LYN: variants seen among roughly 807,000 people sequenced by gnomAD.
LYN encodes the protein tyrosine-protein kinase Lyn.
In LYN, 12 loss-of-function variants were observed where a neutral mutation model predicts 65.0. The observed-to-expected ratio is 0.18, with a 90% CI of 0.12 to 0.30. LYN has a LOEUF of 0.30. Ranked by LOEUF, LYN falls within the 10% of genes least tolerant of loss-of-function variation. The pLI is 1.00. For synonymous variants in LYN, 222 were observed against 221.2 expected (o/e 1.00, Z -0.03); for missense variants, 380 against 623.2 (o/e 0.61, Z 4.16).
chr8:55,946,537 A>G (rs752213018), intron 3 of LYN, 44 bp downstream of exon 3: 1 of 1,192,620 alleles, frequency 8.4e-7, no homozygotes. Context: ...TTTCTTTACT[A>G]TTAGAGCTTC....
intron 11 of LYN, 116 bp from the exon 12 acceptor site, chr8:55,999,302 A>G (rs2175487): frequency 0.85 from 717,841 of 840,182 alleles, 307,490 homozygotes; most frequent in East Asian, 0.94. Context: ...CCTGGGTGAC[A>G]AGAGTGAAAC....
chr8:56,009,374 A>ATTT (rs965911167), intron 12 of LYN, among the ~76,000 whole-genome samples: 1 of 152,196 alleles, frequency 6.6e-6, no homozygotes, highest in Non-Finnish European at 1.5e-5. Flanking sequence ...GCTTGCAGAA[A>ATTT]TTTCCTTAGC....
intron 1 of LYN, among the ~76,000 whole-genome samples, chr8:55,922,990 G>A (rs979276007): frequency 1.3e-5 from 2 of 152,058 alleles, no homozygotes; most frequent in Non-Finnish European, 2.9e-5. Context: ...ATGCCTTTCC[G>A]AGCCTAGAAT....
Position 56,010,654 on chromosome 8 carries a change from T to A in LYN, c.*544T>A, listed in dbSNP as rs572021234. 55 of 232,618 alleles carry A rather than the reference T, an allele frequency of 2.4e-4. No individual in the cohort carries two copies. Among genetic ancestry groups the A allele is most frequent in the African/African-American group, 1.1e-3 (50 of 45,108 alleles). The allele number at this position is 232,618 out of a possible 1,614,324, so 14.4% of individuals were successfully genotyped here. ...TAAAAATGTCTTTCCCAGATTTCAA[T>A]GATTTTTTTCCCCCTACCTCCCAAA... On this transcript the variant is annotated 3_prime_UTR_variant, in exon 13 of 13. Transcript: ENST00000519728.
At chr8:55,970,792 TTG>T (rs1456929092) in intron 10 of LYN, among the ~76,000 whole-genome samples, 1 of 152,132 alleles carries the variant, frequency 6.6e-6, no homozygotes, top group African/African-American at 2.4e-5. Flanking sequence ...AGACTGGAGT[TTG>T]TGTTCTGGCT....
chr8:55,995,133 CCA>C (rs967035609), intron 10 of LYN, among the ~76,000 whole-genome samples: 1 of 152,068 alleles, frequency 6.6e-6, no homozygotes, highest in African/African-American at 2.4e-5. Flanking sequence ...TCAGTAGTGC[CCA>C]CTCTAGAAGG....
rs552629696 is a variant in LYN, at chr8:55,926,897, C to T, written c.-5-14958C>T. Among the ~76,000 whole-genome samples, 38 of 152,284 alleles carry T rather than the reference C, an allele frequency of 2.5e-4. No individual in the cohort carries two copies. In the East Asian group the frequency reaches 5.8e-3, roughly 23 times the overall value. ...GTTTTTTACTGCTCCTTGTGGAGCC[C>T]GGCTAACTCCTAGGCAGTGCGCCCA... On this transcript the variant is annotated intron_variant, in intron 1 of 12. Transcript: ENST00000519728.
rs373111685 is a variant in LYN at position 55,911,102 on chromosome 8, T to TATATATATATATAC, written c.-5-30752_-5-30751insTATATATATATACA. Reference sequence around the variant, plus strand: ...ACATACATATATATATATATATACATACACGTATATATACGTATATATATA... The same window carrying TATATATATATATAC: ...ACATACATATATATATATATATACATATATATATATATACACACGTATATATACGTATATATATA... On this transcript the variant is annotated intron_variant, in intron 1 of 12. Transcript: ENST00000519728. Among the ~76,000 whole-genome samples, 392 of 28,848 alleles carry TATATATATATATAC rather than the reference T, an allele frequency of 0.014. 101 individuals carry two copies. In the East Asian group the frequency reaches 0.38, roughly 28 times the overall value. The allele number at this position is 28,848 out of a possible 152,430, so 18.9% of individuals were successfully genotyped here. A position where few individuals can be genotyped will look rare whatever the true frequency, so the allele number is the denominator to read the frequency against.
At chr8:56,001,530 C>T (rs917208575) in intron 12 of LYN, among the ~76,000 whole-genome samples, 1 of 152,172 alleles carries the variant, frequency 6.6e-6, no homozygotes, top group African/African-American at 2.4e-5. Flanking sequence ...TGGGTGGTGT[C>T]TGCCTGCACA....
rs1315915809 is a variant in LYN at position 55,949,500 on chromosome 8, A to C, written c.285-959A>C. Among the ~76,000 whole-genome samples the C allele has an allele frequency of 2.0e-5, 3 of 152,228 alleles. No homozygotes were observed. In the East Asian group the frequency reaches 5.8e-4, roughly 29 times the overall value. On this transcript the variant is annotated intron_variant, in intron 4 of 12. Coordinates refer to ENST00000519728, the MANE Select transcript of LYN (RefSeq NM_002350.4). ...CCCGCCTTCACCATCCTAAACAAAC[A>C]TCTTGAGACAATTGCTATTGTAGCT...
At chr8:55,895,100 G>A (rs1805057897) in intron 1 of LYN, among the ~76,000 whole-genome samples, 1 of 152,150 alleles carries the variant, frequency 6.6e-6, no homozygotes, top group African/African-American at 2.4e-5. Flanking sequence ...TTACAGACGT[G>A]AACCACTGCA....
At chr8:55,937,617 A>C (rs1301284232) in intron 1 of LYN, among the ~76,000 whole-genome samples, 1 of 152,244 alleles carries the variant, frequency 6.6e-6, no homozygotes. Context: ...TTTGTTGAAC[A>C]GCTGGATAAT....
In LYN at chr8:56,009,901, A is replaced by T; in HGVS notation, c.1337-7A>T. 1 of 1,612,546 alleles carries T rather than the reference A, an allele frequency of 6.2e-7. No homozygotes were observed. Among genetic ancestry groups the T allele is most frequent in the Middle Eastern group, 1.7e-4 (1 of 6,026 alleles). ...GTTTCTGTTCTTTTTGTTTTTTTCC[A>T]CCCTAGGGAGAACTAATGCCGACGT... On this transcript the variant is annotated splice_polypyrimidine_tract_variant and splice_region_variant and intron_variant, in intron 12 of 12. Coordinates refer to ENST00000519728, the MANE Select transcript of LYN (RefSeq NM_002350.4).
intron 1 of LYN, among the ~76,000 whole-genome samples, chr8:55,926,373 C>T (rs1483093936): frequency 6.6e-6 from 1 of 152,216 alleles, no homozygotes; most frequent in South Asian, 2.1e-4. Context: ...GTTGACTATG[C>T]ATGTATAGAT....
chr8:55,922,196 T>C (rs780656483), intron 1 of LYN, among the ~76,000 whole-genome samples: 9 of 152,138 alleles, frequency 5.9e-5, no homozygotes, highest in Admixed American at 6.5e-5. Context: ...CAAGCAATTC[T>C]CTCACCTCAG....
chr8:55,910,360 G>A (rs1408057294), intron 1 of LYN, among the ~76,000 whole-genome samples: 11 of 152,068 alleles, frequency 7.2e-5, no homozygotes, highest in Non-Finnish European at 7.4e-5. Context: ...TCATTCTTCC[G>A]CATATGGCAA....
chr8:55,960,605 A>G (rs1325670451), intron 8 of LYN, among the ~76,000 whole-genome samples: 4 of 152,196 alleles, frequency 2.6e-5, no homozygotes, highest in Admixed American at 2.0e-4. Flanking sequence ...CCCTCTCCCA[A>G]TTTTGAGCTG....
chr8:55,885,543 G>A (rs1244841389), intron 1 of LYN, among the ~76,000 whole-genome samples: 2 of 152,144 alleles, frequency 1.3e-5, no homozygotes, highest in Non-Finnish European at 2.9e-5. Context: ...CCTACCCTTG[G>A]GCGCTGGTAC....
At chr8:55,903,284 T>C (rs1254841431) in intron 1 of LYN, among the ~76,000 whole-genome samples, 3 of 152,212 alleles carry the variant, frequency 2.0e-5, no homozygotes, top group Non-Finnish European at 4.4e-5. Flanking sequence ...TGAGCCACCG[T>C]GCTGGGCCTT....
Sources: gnomAD v4.1 joint callset for allele counts (sites outside exome capture counted in the v4.1 genomes callset) on GRCh38, gnomAD v4.1.1 for gene constraint, MANE v1.5 for transcripts, NCBI Gene and HGNC (gene_info 2026-07-23, HGNC 2026-07-21) for gene names.